GALNTL6: variants seen among roughly 807,000 people sequenced by gnomAD.
GALNTL6 encodes polypeptide N-acetylgalactosaminyltransferase-like 6.
In GALNTL6, 46 loss-of-function variants were observed where a neutral mutation model predicts 73.7. The observed-to-expected ratio is 0.62, with a 90% CI of 0.49 to 0.80. The LOEUF (loss-of-function observed/expected upper bound fraction) is 0.80, where lower values mean the gene tolerates loss of function less well. Ranked by LOEUF, GALNTL6 falls within the 30% of genes least tolerant of loss-of-function variation. The pLI, the probability that GALNTL6 is intolerant of heterozygous loss-of-function variation, is 0.00. For missense variants in GALNTL6, 604 were observed against 755.0 expected (o/e 0.80, Z 2.34); for synonymous variants, 259 against 263.7 (o/e 0.98, Z 0.17).
chr4:172,311,721 G>A lies in GALNTL6; in HGVS notation c.355G>A (p.Glu119Lys). 6.2e-7 allele frequency: 1 copy of A among 1,604,740 alleles called. No homozygotes were observed. Among genetic ancestry groups the A allele is most frequent in the Non-Finnish European group, 8.5e-7 (1 of 1,174,156 alleles). ...NIFVSNNIAL[E>K]RSLPDIRHAN... ...TTTCGTCAGCAACAATATTGCTCTA[G>A]AGAGGTCTCTGCCAGATATTCGTCA... Residue 119 changes from glutamate (E) to lysine (K), a missense_variant, in exon 4 of 13, where the codon GAG becomes AAG. By Grantham distance (56) the Glu-to-Lys change is moderately conservative (BLOSUM62 1). This residue lies in a region of GALNTL6 where 141 missense variants were observed against 156.6 expected (regional missense o/e 0.90). Coordinates refer to ENST00000506823, the MANE Select transcript of GALNTL6 (RefSeq NM_001034845.3).
At chr4:172,038,869 TAGA>T (rs1222449893) in intron 2 of GALNTL6, among the ~76,000 whole-genome samples, 1 of 152,212 alleles carries the variant, frequency 6.6e-6, no homozygotes, top group African/African-American at 2.4e-5. Flanking sequence ...AATGGATTCA[TAGA>T]AGAAGTAGCT....
At chr4:171,962,700 G>T (rs1371582763) in intron 2 of GALNTL6, among the ~76,000 whole-genome samples, 2 of 149,986 alleles carry the variant, frequency 1.3e-5, no homozygotes, top group East Asian at 3.9e-4. Flanking sequence ...AGCAGCCCTT[G>T]TAGCTGCATT....
At chr4:172,252,183 G>A (rs551804318) in intron 3 of GALNTL6, among the ~76,000 whole-genome samples, 1 of 152,248 alleles carries the variant, frequency 6.6e-6, no homozygotes, top group South Asian at 2.1e-4. Context: ...TCAGTCCAAA[G>A]GTTGAAAGCA....
chr4:172,270,564 A>G (rs1439120759), intron 3 of GALNTL6, among the ~76,000 whole-genome samples: 2 of 152,088 alleles, frequency 1.3e-5, no homozygotes, highest in Admixed American at 6.6e-5. Flanking sequence ...TTTATCACCT[A>G]CGGCTTCTCT....
At chr4:171,958,894 A>G (rs1739133937) in intron 2 of GALNTL6, among the ~76,000 whole-genome samples, 1 of 152,120 alleles carries the variant, frequency 6.6e-6, no homozygotes, top group Non-Finnish European at 1.5e-5. Context: ...AATGTACACC[A>G]TGCTTGTTAA....
At chr4:172,945,076 A>AG (rs1181261303) in intron 9 of GALNTL6, among the ~76,000 whole-genome samples, 3 of 151,894 alleles carry the variant, frequency 2.0e-5, no homozygotes, top group Admixed American at 2.0e-4. Flanking sequence ...AAAAAAAGAA[A>AG]AAAAAAGAAT....
intron 5 of GALNTL6, among the ~76,000 whole-genome samples, chr4:172,426,138 A>G (rs979350896): frequency 7.9e-5 from 12 of 152,108 alleles, no homozygotes; most frequent in African/African-American, 2.4e-4. Context: ...AAAGATCAGG[A>G]CGGCACTCAA....
chr4:172,081,578 CA>C (rs1391201947), intron 2 of GALNTL6, among the ~76,000 whole-genome samples: 2 of 152,174 alleles, frequency 1.3e-5, no homozygotes, highest in Non-Finnish European at 2.9e-5. Context: ...GCAGAGGTTG[CA>C]GTGAGCCGAG....
At chr4:172,497,197 G>A (rs1734096527) in intron 5 of GALNTL6, among the ~76,000 whole-genome samples, 1 of 152,192 alleles carries the variant, frequency 6.6e-6, no homozygotes, top group South Asian at 2.1e-4. Flanking sequence ...AGTCTGAAAT[G>A]CAGCAGTCAA....
intron 5 of GALNTL6, among the ~76,000 whole-genome samples, chr4:172,514,471 A>C (rs1369544629): frequency 1.3e-5 from 2 of 152,166 alleles, no homozygotes; most frequent in African/African-American, 4.8e-5. Context: ...GCAGCCAGCG[A>C]GCAGGGCTGG....
At chr4:172,603,365 C>A (rs2111029302) in intron 5 of GALNTL6, among the ~76,000 whole-genome samples, 1 of 152,296 alleles carries the variant, frequency 6.6e-6, no homozygotes, top group Non-Finnish European at 1.5e-5. Context: ...ACAGAAGCAG[C>A]ATGTCACATG....
intron 2 of GALNTL6, among the ~76,000 whole-genome samples, chr4:172,090,250 G>A (rs1732163911): frequency 6.6e-6 from 1 of 152,054 alleles, no homozygotes. Flanking sequence ...GGTATTTCTG[G>A]TTCTAGATCC....
chr4:172,855,889 G>A (rs1037400685), intron 7 of GALNTL6, among the ~76,000 whole-genome samples: 11 of 152,112 alleles, frequency 7.2e-5, no homozygotes, highest in Non-Finnish European at 1.3e-4. Flanking sequence ...TGCAGCAAAC[G>A]TCCCACTGTC....
intron 2 of GALNTL6, among the ~76,000 whole-genome samples, chr4:172,153,214 C>T (rs745505520): frequency 3.3e-5 from 5 of 152,234 alleles, no homozygotes; most frequent in East Asian, 1.9e-4. Context: ...GAAAGAAGAG[C>T]GGAAACTCGT....
intron 5 of GALNTL6, among the ~76,000 whole-genome samples, chr4:172,716,623 A>C (rs1735117956): frequency 6.6e-6 from 1 of 152,342 alleles, no homozygotes; most frequent in Non-Finnish European, 1.5e-5. Flanking sequence ...ACATTGTCAC[A>C]GAGTATTTTC....
At chr4:171,915,444 A>G (rs1036537278) in intron 2 of GALNTL6, among the ~76,000 whole-genome samples, 6 of 152,174 alleles carry the variant, frequency 3.9e-5, no homozygotes, top group Non-Finnish European at 7.4e-5. Context: ...ACTATATGAT[A>G]CTAAAAATAC....
chr4:172,951,573 C>G (rs1271018222), intron 9 of GALNTL6, among the ~76,000 whole-genome samples: 2 of 152,246 alleles, frequency 1.3e-5, no homozygotes, highest in Non-Finnish European at 2.9e-5. Context: ...GGTGATCTCT[C>G]TAAAGTTGGG....
intron 5 of GALNTL6, among the ~76,000 whole-genome samples, chr4:172,489,695 C>T (rs1733827882): frequency 6.6e-6 from 1 of 152,116 alleles, no homozygotes; most frequent in Admixed American, 6.5e-5. Flanking sequence ...AATACTCTTT[C>T]AATGCAAAGG....
chr4:171,868,440 C>G (rs993955566), intron 2 of GALNTL6, among the ~76,000 whole-genome samples: 2 of 152,158 alleles, frequency 1.3e-5, no homozygotes, highest in African/African-American at 2.4e-5. Flanking sequence ...TGGATGACGG[C>G]AAAGTCGTCT....
Sources: gnomAD v4.1 joint callset for allele counts (sites outside exome capture counted in the v4.1 genomes callset) on GRCh38, gnomAD v4.1.1 for gene constraint, gnomAD v4.1.1 regional missense constraint, MANE v1.5 for transcripts, NCBI Gene and HGNC (gene_info 2026-07-23, HGNC 2026-07-21) for gene names.